The following IRX2 variants were observed in gnomAD, a reference collection of about 807,000 sequenced individuals.
IRX2 encodes the protein iroquois homeobox 2.
IRX2 carries 26 observed loss-of-function variants against 42.9 expected under a neutral mutation model. The observed-to-expected ratio is 0.61, with a 90% CI of 0.44 to 0.84. The LOEUF (loss-of-function observed/expected upper bound fraction) is 0.84, where lower values mean the gene tolerates loss of function less well. Ranked by LOEUF, IRX2 falls within the 40% of genes least tolerant of loss-of-function variation. The pLI is 0.00. For synonymous variants in IRX2, 424 were observed against 353.9 expected (o/e 1.20, Z -2.22); for missense variants, 782 against 713.9 (o/e 1.10, Z -1.09).
chr5:2,749,830 C>A, intron 1 of IRX2, 43 bp from the exon 2 acceptor site: 1 of 1,533,190 alleles, frequency 6.5e-7, no homozygotes. Flanking sequence ...GCGGAGACCC[C>A]GCGGGCAACC....
rs573236879 is a variant in IRX2 at position 2,747,395 on chromosome 5, T to C, written c.*169A>G. The C allele has an allele frequency of 1.7e-4, 96 of 559,986 alleles. No individual in the cohort carries two copies. The highest frequency in any genetic ancestry group is 1.5e-3 in the African/African-American group (82 of 53,566). 34.7% of individuals were successfully genotyped at this position (559,986 alleles called of 1,614,324 possible). On this transcript the variant is annotated 3_prime_UTR_variant, in exon 4 of 4. Transcript: ENST00000302057. ...GAGGGAATCTATAAAACAGAAAATATAGTTTCCCCCTTAAGGAAAGAAAAG... is the reference window on the plus strand; with the variant it reads ...GAGGGAATCTATAAAACAGAAAATACAGTTTCCCCCTTAAGGAAAGAAAAG...
the IRX2 span, among the ~76,000 whole-genome samples, chr5:2,738,064 G>T: frequency 6.6e-6 from 1 of 152,206 alleles, no homozygotes; most frequent in Non-Finnish European, 1.5e-5. Context: ...TGTGTTATTT[G>T]CTTCTGCTTA....
chr5:2,743,677 G>A (rs1444743374), downstream of IRX2, among the ~76,000 whole-genome samples: 1 of 152,214 alleles, frequency 6.6e-6, no homozygotes, highest in Non-Finnish European at 1.5e-5. Context: ...TGGAGGGCTA[G>A]GTAATTTTTG....
chr5:2,737,822 G>A, the IRX2 span: 2 of 152,230 alleles, frequency 1.3e-5, no homozygotes, highest in Non-Finnish European at 2.9e-5. Context: ...TCAGAACACC[G>A]AGATGATTTC....
chr5:2,739,344 G>A, the IRX2 span, among the ~76,000 whole-genome samples: 69 of 152,312 alleles, frequency 4.5e-4, no homozygotes, highest in African/African-American at 1.7e-3. Context: ...CGGGGGTACG[G>A]CCTGGGGTCC....
At position 2,751,170 on chromosome 5, in the gene IRX2, A is replaced by G; in HGVS notation, c.244T>C (p.Tyr82His). 1 of 1,262,702 alleles carries G rather than the reference A, an allele frequency of 7.9e-7. No individual in the cohort carries two copies. Among genetic ancestry groups the G allele is most frequent in the African/African-American group, 1.6e-5 (1 of 63,608 alleles). 78.2% of individuals were successfully genotyped at this position (1,262,702 alleles called of 1,614,324 possible). A position where few individuals can be genotyped will look rare whatever the true frequency, so the allele number is the denominator to read the frequency against. ...AAAAAAGFPS[Y>H]MGAPYDAHTT... is the part of the protein sequence containing the mutation. ...TCCCGCCCGCGCCCGGTTACCATGTAGGACGGGAAGCCGGCGGCGGCGGCG... is the reference window on the plus strand; with the variant it reads ...TCCCGCCCGCGCCCGGTTACCATGTGGGACGGGAAGCCGGCGGCGGCGGCG... Residue 82 changes from tyrosine to histidine, a missense_variant, in exon 1 of 4, where the codon TAC (tyrosine) becomes CAC (histidine). Transcript: ENST00000302057. This position sits in a 1 kb window ranked among gnomAD's most constrained non-coding sequence, Gnocchi z 4.0.
the IRX2 span, chr5:2,737,060 G>T: frequency 6.6e-6 from 1 of 152,192 alleles, no homozygotes; most frequent in Non-Finnish European, 1.5e-5. Context: ...TGCGGTGGTG[G>T]TCTGTGGAAG....
Position 2,749,560 on chromosome 5 carries a change from G to C in IRX2, c.477C>G (p.Thr159=), listed in dbSNP as rs1179317427. 1 of 1,614,238 alleles carries C rather than the reference G, an allele frequency of 6.2e-7. No homozygotes were observed. Among genetic ancestry groups the C allele is most frequent in the Non-Finnish European group, 8.5e-7 (1 of 1,180,042 alleles). The part of the protein sequence containing the change: ...MLAIITKMTL[T]QVSTWFANAR... ...CGTTGGCGAACCAGGTGGAGACCTG[G>C]GTGAGGGTCATCTTGGTGATGATGG... is the stretch of plus-strand genomic sequence containing the variant. Residue 159 remains threonine (T), a synonymous_variant, in exon 2 of 4, where the codon ACC becomes ACG. Transcript: ENST00000302057.
chr5:2,741,993 C>T (rs181400889), downstream of IRX2, among the ~76,000 whole-genome samples: 437 of 152,296 alleles, frequency 2.9e-3, 3 homozygotes, highest in African/African-American at 0.01. Flanking sequence ...ATACAGTCCT[C>T]TTAAATTGTG....
rs138413279 is a variant in IRX2 at position 2,749,701 on chromosome 5, G to A, written c.336C>T (p.Leu112=). The A allele has an allele frequency of 6.2e-7, 1 of 1,614,124 alleles. No homozygotes were observed. The highest frequency in any genetic ancestry group is 2.2e-5 in the East Asian group (1 of 44,866). ...PYGSAAYPYQ[L]NDPAYRKNAT... Reference sequence around the variant, plus strand: ...CGTTCTTGCGGTACGCGGGGTCGTTGAGCTGGTACGGGTAGGCCGCGCTGC... The same window carrying A: ...CGTTCTTGCGGTACGCGGGGTCGTTAAGCTGGTACGGGTAGGCCGCGCTGC... The change falls in exon 2 of 4, where the codon CTC becomes CTT. Residue 112 remains leucine, a synonymous_variant. Transcript: ENST00000302057.
At position 2,749,038 on chromosome 5, in the gene IRX2, C is replaced by T. The variant is rs1294774408; in HGVS notation, c.670G>A (p.Val224Met). The T allele has an allele frequency of 5.0e-6, 8 of 1,596,640 alleles. No homozygotes were observed. Among genetic ancestry groups the T allele is most frequent in the Middle Eastern group, 1.6e-4 (1 of 6,072 alleles). Reference protein sequence around the residue: ...SAEDEGISLHVDSLTDHSCSA... With the variant: ...SAEDEGISLHMDSLTDHSCSA... ...CACGAGTGATCCGTGAGCGAGTCCA[C>T]GTGCAGGCTGATCCCTGTGGGGGCG... Residue 224 changes from valine (V) to methionine (M), a missense_variant, in exon 3 of 4, where the codon GTG becomes ATG. Val to Met is a conservative substitution (Grantham distance 21). Transcript: ENST00000302057.
In IRX2 at chr5:2,751,321, C is replaced by G. The variant is rs1274631503; in HGVS notation, c.93G>C (p.Pro31=). ...PAYGASALAA[P]RSEELARSAS... is the part of the protein sequence containing the mutation. ...CCGAGCGCGCCAGCTCCTCGCTGCGCGGAGCCGCCAAAGCCGACGCGCCGT... is the reference window on the plus strand; with the variant it reads ...CCGAGCGCGCCAGCTCCTCGCTGCGGGGAGCCGCCAAAGCCGACGCGCCGT... Residue 31 remains proline (P), a synonymous_variant, in exon 1 of 4, where the codon CCG becomes CCC. Coordinates refer to ENST00000302057, the MANE Select transcript of IRX2 (RefSeq NM_033267.5). The surrounding 1 kb of genome is among the most constrained non-coding windows in gnomAD (Gnocchi z 4.0). 2 of 1,438,338 alleles carry G rather than the reference C, an allele frequency of 1.4e-6. No homozygotes were observed. The highest frequency in any genetic ancestry group is 1.8e-6 in the Non-Finnish European group (2 of 1,096,262). The allele number at this position is 1,438,338 out of a possible 1,614,324, so 89.1% of individuals were successfully genotyped here. A position where few individuals can be genotyped will look rare whatever the true frequency, so the allele number is the denominator to read the frequency against.
intron 3 of IRX2, among the ~76,000 whole-genome samples, chr5:2,748,055 T>C (rs1000799455): frequency 2.0e-5 from 3 of 152,104 alleles, no homozygotes; most frequent in African/African-American, 4.8e-5. Context: ...ACGCTGTAAT[T>C]TGAATTTCGT....
At chr5:2,739,518 G>A in the IRX2 span, among the ~76,000 whole-genome samples, 126 of 138,384 alleles carry the variant, frequency 9.1e-4, no homozygotes, top group Admixed American at 4.6e-3. Context: ...TGTGCAGGCA[G>A]GACCCGAAAC....
In IRX2 at chr5:2,749,645, G is replaced by C; in HGVS notation, c.392C>G (p.Ala131Gly). ...GTTCTTGCGGTGCTCGTTGAGCCAG[G>C]CCTTGAGAGTGGCCGTGGCGTCCCG... ...ATRDATATLK[A>G]WLNEHRKNPY... is the part of the protein sequence containing the mutation. The change falls in exon 2 of 4, where the codon GCC becomes GGC. Residue 131 changes from alanine to glycine, a missense_variant. Around this residue, in one of 3 missense-constraint regions of IRX2, gnomAD observed 256 missense variants for 250.0 expected, o/e 1.02. Coordinates refer to ENST00000302057, the MANE Select transcript of IRX2 (RefSeq NM_033267.5). 1.2e-6 allele frequency: 2 copies of C among 1,614,214 alleles called. No homozygotes were observed. The highest frequency in any genetic ancestry group is 1.7e-6 in the Non-Finnish European group (2 of 1,180,038).
In IRX2 at chr5:2,751,377, C is replaced by A; in HGVS notation, c.37G>T (p.Gly13Cys). ...GGGCACGAGTAGAGCGCCAGCGAGCCGGGCGCCTGGTACAGGTAGCCCTGC... is the reference window on the plus strand; with the variant it reads ...GGGCACGAGTAGAGCGCCAGCGAGCAGGGCGCCTGGTACAGGTAGCCCTGC... Reference protein sequence around the residue: ...YPQGYLYQAPGSLALYSCPAY... With the variant: ...YPQGYLYQAPCSLALYSCPAY... Residue 13 changes from glycine (G) to cysteine (C), a missense_variant, in exon 1 of 4, where the codon GGC becomes TGC. By Grantham distance (159) the Gly-to-Cys change is radical. Transcript: ENST00000302057. This position sits in a 1 kb window ranked among gnomAD's most constrained non-coding sequence, Gnocchi z 4.0. The A allele has an allele frequency of 7.0e-7, 1 of 1,424,752 alleles. No homozygotes were observed. Among genetic ancestry groups the A allele is most frequent in the Non-Finnish European group, 9.2e-7 (1 of 1,088,638 alleles). 88.3% of individuals were successfully genotyped at this position (1,424,752 alleles called of 1,614,324 possible).
chr5:2,749,045 G>T lies in IRX2; in HGVS notation c.663C>A (p.Ser221Arg). Residue 221 changes from serine to arginine, a missense_variant, in exon 3 of 4, where the codon AGC becomes AGA. This residue lies in a region of IRX2 where 520 missense variants were observed against 437.8 expected (regional missense o/e 1.19). Coordinates refer to ENST00000302057, the MANE Select transcript of IRX2 (RefSeq NM_033267.5). ...TETSAEDEGI[S>R]LHVDSLTDHS... ...GATCCGTGAGCGAGTCCACGTGCAG[G>T]CTGATCCCTGTGGGGGCGCGGGCAC... 6.3e-7 allele frequency: 1 copy of T among 1,596,644 alleles called. No individual in the cohort carries two copies.
intron 3 of IRX2, among the ~76,000 whole-genome samples, 197 bp from the exon 4 acceptor site, chr5:2,747,813 A>G (rs1737729685): frequency 6.6e-6 from 1 of 152,274 alleles, no homozygotes; most frequent in African/African-American, 2.4e-5. Flanking sequence ...TCTTTCGGGT[A>G]GCCTGACTTA....
At position 2,748,905 on chromosome 5, in the gene IRX2, T is replaced by A; in HGVS notation, c.803A>T (p.Asp268Val). The A allele has an allele frequency of 6.3e-7, 1 of 1,596,034 alleles. No homozygotes were observed. The highest frequency in any genetic ancestry group is 1.7e-4 in the Middle Eastern group (1 of 6,052). The change falls in exon 3 of 4, where the codon GAC becomes GTC. Residue 268 changes from aspartate to valine, a missense_variant. By Grantham distance (152) the Asp-to-Val change is radical. Coordinates refer to ENST00000302057, the MANE Select transcript of IRX2 (RefSeq NM_033267.5). ...DKYDDLEDDEDDDEEGERGLA... is the reference protein window; with the variant it reads ...DKYDDLEDDEVDDEEGERGLA... ...GCCCCGCTCGCCCTCCTCGTCGTCGTCCTCGTCGTCCTCCAGGTCGTCATA... is the reference window on the plus strand; with the variant it reads ...GCCCCGCTCGCCCTCCTCGTCGTCGACCTCGTCGTCCTCCAGGTCGTCATA...
Sources: gnomAD v4.1 joint callset for allele counts (sites outside exome capture counted in the v4.1 genomes callset) on GRCh38, gnomAD v4.1.1 for gene constraint, gnomAD v4.1.1 regional missense constraint, Gnocchi (gnomAD v3.1) non-coding constraint, MANE v1.5 for transcripts, NCBI Gene and HGNC (gene_info 2026-07-23, HGNC 2026-07-21) for gene names.